STXBP5L: variants seen among roughly 807,000 people sequenced by gnomAD.
STXBP5L encodes syntaxin binding protein 5L, also known as syntaxin-binding protein 5-like.
Under a neutral mutation model 144.5 loss-of-function variants are expected in STXBP5L, and 65 were observed. The observed-to-expected ratio is 0.45, with a 90% CI of 0.37 to 0.55. The LOEUF (loss-of-function observed/expected upper bound fraction) is 0.55, where lower values mean the gene tolerates loss of function less well. STXBP5L is among the 20% of genes least tolerant of loss of function. STXBP5L has a pLI of 0.00. For synonymous variants in STXBP5L, 505 were observed against 469.6 expected (o/e 1.08, Z -0.97); for missense variants, 1,298 against 1,405.5 (o/e 0.92, Z 1.22).
chr3:121,198,000 G>A (rs1340944947), intron 9 of STXBP5L, among the ~76,000 whole-genome samples: 1 of 152,132 alleles, frequency 6.6e-6, no homozygotes, highest in Non-Finnish European at 1.5e-5. Flanking sequence ...TAATCCTTTG[G>A]ATATATACCC....
At chr3:121,020,588 A>G (rs1197601967) in intron 3 of STXBP5L, among the ~76,000 whole-genome samples, 1 of 152,196 alleles carries the variant, frequency 6.6e-6, no homozygotes, top group African/African-American at 2.4e-5. Context: ...ACAAGCTAGA[A>G]GGGATTGGTT....
chr3:121,199,608 G>A (rs2048058491), intron 9 of STXBP5L, among the ~76,000 whole-genome samples: 1 of 152,124 alleles, frequency 6.6e-6, no homozygotes. Flanking sequence ...GTATGATATT[G>A]GCTGTGGGTT....
intron 3 of STXBP5L, among the ~76,000 whole-genome samples, chr3:120,984,038 C>G (rs1219065508): frequency 6.6e-6 from 1 of 152,128 alleles, no homozygotes; most frequent in African/African-American, 2.4e-5. Flanking sequence ...CAGCATCCTG[C>G]TCTTTGTTCC....
chr3:120,958,771 A>G (rs1487363518), intron 3 of STXBP5L, among the ~76,000 whole-genome samples: 1 of 152,190 alleles, frequency 6.6e-6, no homozygotes, highest in African/African-American at 2.4e-5. Context: ...AATAAGAGCT[A>G]TCTATGACAA....
chr3:121,189,160 A>T (rs547798276), intron 9 of STXBP5L, among the ~76,000 whole-genome samples: 1 of 152,110 alleles, frequency 6.6e-6, no homozygotes, highest in Non-Finnish European at 1.5e-5. Flanking sequence ...ATTTTCTCCC[A>T]TTCTTTAAGT....
chr3:120,978,111 A>C (rs368597514), intron 3 of STXBP5L, among the ~76,000 whole-genome samples: 15 of 152,090 alleles, frequency 9.9e-5, no homozygotes, highest in Non-Finnish European at 1.2e-4. Context: ...GATTGGGGAA[A>C]TTCTCCTGGA....
At chr3:121,347,644 T>G (rs1191613336) in intron 20 of STXBP5L, among the ~76,000 whole-genome samples, 4 of 152,206 alleles carry the variant, frequency 2.6e-5, no homozygotes, top group African/African-American at 9.6e-5. Flanking sequence ...TGAGCAGTCA[T>G]TTGTAGTTCT....
intron 14 of STXBP5L, among the ~76,000 whole-genome samples, chr3:121,246,034 G>A (rs182099217): frequency 6.6e-6 from 1 of 152,148 alleles, no homozygotes; most frequent in African/African-American, 2.4e-5. Context: ...AATATGTTAG[G>A]CCAGGGGTCC....
intron 23 of STXBP5L, among the ~76,000 whole-genome samples, chr3:121,412,808 A>T (rs183451195): frequency 6.6e-6 from 1 of 151,766 alleles, no homozygotes; most frequent in Admixed American, 6.6e-5. Flanking sequence ...GAAGATAAGA[A>T]GAAACAACCA....
intron 2 of STXBP5L, among the ~76,000 whole-genome samples, chr3:120,942,408 G>C (rs1271163854): frequency 6.6e-6 from 1 of 151,442 alleles, no homozygotes; most frequent in Non-Finnish European, 1.5e-5. Flanking sequence ...TGAAGATTAT[G>C]AAAACAGGTT....
intron 3 of STXBP5L, among the ~76,000 whole-genome samples, chr3:121,030,443 A>T (rs140940480): frequency 5.5e-4 from 83 of 152,250 alleles, no homozygotes; most frequent in Admixed American, 2.6e-3. Context: ...AAAACCAAAC[A>T]CTGCATGTTC....
chr3:121,023,138 T>G (rs1244015715), intron 3 of STXBP5L, among the ~76,000 whole-genome samples: 2 of 150,420 alleles, frequency 1.3e-5, no homozygotes, highest in South Asian at 2.1e-4. Flanking sequence ...CAAGCTCAAT[T>G]CCTTTGACAA....
chr3:121,359,917 T>G (rs1266530104), intron 20 of STXBP5L, among the ~76,000 whole-genome samples: 1 of 149,026 alleles, frequency 6.7e-6, no homozygotes, highest in Non-Finnish European at 1.5e-5. Flanking sequence ...TCCAGTTTGG[T>G]TCTTTTTGCT....
At chr3:121,048,577 C>A (rs780531713) in intron 5 of STXBP5L, among the ~76,000 whole-genome samples, 2 of 152,034 alleles carry the variant, frequency 1.3e-5, no homozygotes, top group Non-Finnish European at 2.9e-5. Context: ...GAGAACCAGT[C>A]ATTGAGCTCT....
intron 7 of STXBP5L, among the ~76,000 whole-genome samples, chr3:121,143,361 A>T (rs1196392084): frequency 6.6e-6 from 1 of 151,698 alleles, no homozygotes; most frequent in East Asian, 1.9e-4. Flanking sequence ...CCAAAACTAG[A>T]CAAATATATC....
Position 121,172,462 on chromosome 3 carries a change from C to A in STXBP5L, c.877+14835C>A, listed in dbSNP as rs2046761736. 2.0e-5 allele frequency among the ~76,000 whole-genome samples: 3 copies of A among 152,166 alleles called. No homozygotes were observed. The South Asian group carries it at 6.2e-4, about 32-fold the overall frequency. Reference sequence around the variant, plus strand: ...CTGACAAAGGGCTAATATCTAGAATCTACAAGGAACTTAACAAGTTTACAA... The same window carrying A: ...CTGACAAAGGGCTAATATCTAGAATATACAAGGAACTTAACAAGTTTACAA... On this transcript the variant is annotated intron_variant, in intron 9 of 26. Coordinates refer to ENST00000471454, the MANE Select transcript of STXBP5L (RefSeq NM_001308330.2).
At chr3:121,355,053 T>C (rs529940679) in intron 20 of STXBP5L, among the ~76,000 whole-genome samples, 1 of 152,320 alleles carries the variant, frequency 6.6e-6, no homozygotes, top group South Asian at 2.1e-4. Context: ...TGCCAAGAGA[T>C]CCGCTGTTAG....
At chr3:121,245,609 A>G in intron 14 of STXBP5L, among the ~76,000 whole-genome samples, 1 of 152,158 alleles carries the variant, frequency 6.6e-6, no homozygotes, top group East Asian at 1.9e-4. Flanking sequence ...ATAGAAAAAG[A>G]TGTACCATGC....
At chr3:121,104,745 T>G (rs1367036143) in intron 5 of STXBP5L, among the ~76,000 whole-genome samples, 1 of 151,914 alleles carries the variant, frequency 6.6e-6, no homozygotes, top group Non-Finnish European at 1.5e-5. Flanking sequence ...AAAAATCAAC[T>G]CAAGATGGAT....
Sources: allele counts gnomAD v4.1 joint callset (sites outside exome capture counted in the v4.1 genomes callset), GRCh38; gene constraint gnomAD v4.1.1; transcripts MANE v1.5; gene names NCBI Gene and HGNC (gene_info 2026-07-23, HGNC 2026-07-21).